Variants in ZMYM4 observed in about 807,000 individuals in gnomAD.
ZMYM4 encodes the protein zinc finger MYM-type containing 4, also known as zinc finger MYM-type protein 4.
Under a neutral mutation model 183.2 loss-of-function variants are expected in ZMYM4, and 31 were observed. The observed-to-expected ratio is 0.17, with a 90% CI of 0.13 to 0.23. ZMYM4 has a LOEUF of 0.23. ZMYM4 is among the 10% of genes least tolerant of loss of function. ZMYM4 has a pLI of 1.00. For synonymous variants in ZMYM4, 592 were observed against 631.2 expected, an observed-to-expected ratio of 0.94 and a Z score of 0.93; for missense variants, 1,273 against 1,840.3, an observed-to-expected ratio of 0.69 and a Z score of 5.64.
chr1:35,343,070 A>G (rs1344546845), intron 2 of ZMYM4, among the ~76,000 whole-genome samples: 1 of 152,178 alleles, frequency 6.6e-6, no homozygotes, highest in Non-Finnish European at 1.5e-5. Context: ...GTCTGTCTCC[A>G]TCAGTCTACA....
At chr1:35,356,531 C>T (rs952516569) in intron 2 of ZMYM4, among the ~76,000 whole-genome samples, 10 of 152,144 alleles carry the variant, frequency 6.6e-5, no homozygotes, top group East Asian at 5.8e-4. Context: ...ATTGCCTCTA[C>T]GTTTATTAGC....
chr1:35,333,622 C>T (rs936208028), intron 2 of ZMYM4, among the ~76,000 whole-genome samples: 2 of 152,088 alleles, frequency 1.3e-5, no homozygotes, highest in Non-Finnish European at 1.5e-5. Context: ...CTTCCCATAT[C>T]ATTGTTCCTA....
intron 26 of ZMYM4, among the ~76,000 whole-genome samples, chr1:35,411,327 T>C (rs1323705485): frequency 6.6e-6 from 1 of 151,956 alleles, no homozygotes; most frequent in Admixed American, 6.6e-5. Flanking sequence ...CTAATTTTTT[T>C]TGTATTTTTA....
intron 1 of ZMYM4, among the ~76,000 whole-genome samples, chr1:35,278,571 G>A (rs1194427478): frequency 6.6e-6 from 1 of 151,980 alleles, no homozygotes; most frequent in Non-Finnish European, 1.5e-5. Context: ...GACTACAGGA[G>A]CGTGCCGCCA....
At chr1:35,351,927 A>T (rs1426056261) in intron 2 of ZMYM4, among the ~76,000 whole-genome samples, 3 of 152,180 alleles carry the variant, frequency 2.0e-5, no homozygotes, top group Non-Finnish European at 4.4e-5. Flanking sequence ...TTCTTAAATT[A>T]CTTAAAATAA....
At position 35,387,139 on chromosome 1, in the gene ZMYM4, T is replaced by C. The variant is rs949506854; in HGVS notation, c.1973T>C (p.Ile658Thr). 1 of 1,614,124 alleles carries C rather than the reference T, an allele frequency of 6.2e-7. No individual in the cohort carries two copies. Residue 658 changes from isoleucine to threonine, a missense_variant, in exon 12 of 30, where the codon ATC becomes ACC. Around this residue, in one of 6 missense-constraint regions of ZMYM4, gnomAD observed 319 missense variants for 518.1 expected, o/e 0.62. Coordinates refer to ENST00000314607, the MANE Select transcript of ZMYM4 (RefSeq NM_005095.3). ...GSTSAVSPTSISSSAAAGLQR... is the reference protein window; with the variant it reads ...GSTSAVSPTSTSSSAAAGLQR... The stretch of plus-strand genomic sequence containing the variant: ...ACATCTGCTGTTTCTCCCACCTCCA[T>C]CAGTAGCTCTGCTGCAGCTGGTCTC...
intron 26 of ZMYM4, among the ~76,000 whole-genome samples, chr1:35,408,781 T>C (rs181365358): frequency 1.3e-5 from 2 of 152,186 alleles, no homozygotes; most frequent in Non-Finnish European, 2.9e-5. Flanking sequence ...GTGATTGTTA[T>C]GGGAAAATAT....
chr1:35,370,738 T>C lies in ZMYM4; in HGVS notation c.1181+111T>C, dbSNP rs564327939. 1.1e-4 allele frequency: 129 copies of C among 1,164,172 alleles called. 2 individuals carry two copies. In the South Asian group the frequency reaches 4.0e-3, roughly 36 times the overall value. 72.1% of individuals were successfully genotyped at this position (1,164,172 alleles called of 1,614,324 possible). ...TTCTACATTTATTCCTTTTTTTTTT[T>C]TTTTTTTTTTTGAGAAATACCACAT... On this transcript the variant is annotated intron_variant, in intron 7 of 29. Transcript: ENST00000314607.
intron 1 of ZMYM4, among the ~76,000 whole-genome samples, chr1:35,273,893 A>G (rs1639737423): frequency 1.3e-5 from 2 of 152,238 alleles, no homozygotes; most frequent in Non-Finnish European, 2.9e-5. Context: ...AATGTAGACT[A>G]TAAAATGTTA....
chr1:35,407,052 G>A lies in ZMYM4; in HGVS notation c.3797-956G>A, dbSNP rs145152967. Among the ~76,000 whole-genome samples, 318 of 152,224 alleles carry A rather than the reference G, an allele frequency of 2.1e-3. 1 individual carries two copies. Among genetic ancestry groups the A allele is most frequent in the African/African-American group, 7.4e-3 (307 of 41,532 alleles). On this transcript the variant is annotated intron_variant, in intron 25 of 29. Coordinates refer to ENST00000314607, the MANE Select transcript of ZMYM4 (RefSeq NM_005095.3). ...TTTGCAGCCTGTGACCTAGCAAAGG[G>A]AATACTGTATTCTAGCATTTCCAAA...
chr1:35,297,207 C>T (rs1265787554), intron 1 of ZMYM4, among the ~76,000 whole-genome samples: 1 of 151,926 alleles, frequency 6.6e-6, no homozygotes, highest in Non-Finnish European at 1.5e-5. Context: ...TCTGTCTGCC[C>T]TCACTTTCAC....
Position 35,274,641 on chromosome 1 carries a change from G to A in ZMYM4, c.39+5556G>A, listed in dbSNP as rs533771377. 2.0e-5 allele frequency among the ~76,000 whole-genome samples: 3 copies of A among 150,164 alleles called. No homozygotes were observed. In the South Asian group the frequency reaches 6.3e-4, roughly 32 times the overall value. On this transcript the variant is annotated intron_variant, in intron 1 of 29. Transcript: ENST00000314607. ...TAAAAAAAAAAAAAAAAAAGGAGAGGCCATTCTAATACTGAGAATGATTCT... is the reference window on the plus strand; with the variant it reads ...TAAAAAAAAAAAAAAAAAAGGAGAGACCATTCTAATACTGAGAATGATTCT...
chr1:35,408,852 T>C (rs1639748134), intron 26 of ZMYM4, among the ~76,000 whole-genome samples: 1 of 152,250 alleles, frequency 6.6e-6, no homozygotes, highest in Admixed American at 6.5e-5. Context: ...AAGTACATTC[T>C]TAATGTGCAG....
At chr1:35,359,528 TAA>T (rs1322475688) in intron 3 of ZMYM4, 82 bp downstream of exon 3, 1 of 1,298,190 alleles carries the variant, frequency 7.7e-7, no homozygotes, top group Non-Finnish European at 1.0e-6. Flanking sequence ...CTTTTGATGT[TAA>T]GTGAAGTATG....
At chr1:35,350,414 T>C (rs1181505495) in intron 2 of ZMYM4, among the ~76,000 whole-genome samples, 1 of 151,894 alleles carries the variant, frequency 6.6e-6, no homozygotes, top group African/African-American at 2.4e-5. Context: ...TCAGCCTCCC[T>C]AGTAGCTGGG....
intron 5 of ZMYM4, among the ~76,000 whole-genome samples, chr1:35,365,205 C>G (rs2148920556): frequency 6.7e-6 from 1 of 149,562 alleles, no homozygotes. Context: ...CCCTCATGGC[C>G]AGGAAGGAGC....
At chr1:35,321,478 G>A (rs1447398026) in intron 1 of ZMYM4, among the ~76,000 whole-genome samples, 2 of 152,100 alleles carry the variant, frequency 1.3e-5, no homozygotes, top group African/African-American at 2.4e-5. Context: ...GGGATGTAAT[G>A]GGAATGTGAA....
chr1:35,287,116 A>T (rs187779294), intron 1 of ZMYM4, among the ~76,000 whole-genome samples: 32 of 151,196 alleles, frequency 2.1e-4, no homozygotes, highest in Non-Finnish European at 4.1e-4. Flanking sequence ...TGGCATTCTC[A>T]TGGTTCTCCT....
chr1:35,310,012 C>T (rs1437236331), intron 1 of ZMYM4, among the ~76,000 whole-genome samples: 2 of 151,292 alleles, frequency 1.3e-5, no homozygotes. Flanking sequence ...TCACTGCTAC[C>T]TCCGCCTCCC....
Sources: gnomAD v4.1 joint callset for allele counts (sites outside exome capture counted in the v4.1 genomes callset) on GRCh38, gnomAD v4.1.1 for gene constraint, gnomAD v4.1.1 regional missense constraint, MANE v1.5 for transcripts, NCBI Gene and HGNC (gene_info 2026-07-23, HGNC 2026-07-21) for gene names.